The following GFM2 variants were observed in gnomAD, a reference collection of about 807,000 sequenced individuals.
GFM2 encodes ribosome-releasing factor 2, mitochondrial.
A neutral mutation model predicts 95.4 loss-of-function variants in GFM2; 72 were observed. The ratio of observed to expected loss-of-function variants is 0.76; its 90% CI spans 0.62 to 0.92. GFM2 has a LOEUF of 0.92. Among genes scored for constraint, GFM2 ranks in the 40% least tolerant of loss-of-function variants. GFM2 has a pLI of 0.00. For synonymous variants in GFM2, 276 were observed against 317.5 expected (o/e 0.87, Z 1.39); for missense variants, 825 against 924.1 (o/e 0.89, Z 1.39).
intron 12 of GFM2, among the ~76,000 whole-genome samples, chr5:74,738,921 T>C (rs1742977920): frequency 6.6e-6 from 1 of 152,144 alleles, no homozygotes; most frequent in Admixed American, 6.6e-5. Context: ...ATGAAGGCTA[T>C]ACCTGGGAAT....
intron 15 of GFM2, among the ~76,000 whole-genome samples, chr5:74,733,690 G>A (rs1346858944): frequency 1.3e-5 from 2 of 152,134 alleles, no homozygotes; most frequent in African/African-American, 4.8e-5. Flanking sequence ...GGTTTGCACT[G>A]CGAAGCCACT....
At chr5:74,754,697 C>T (rs1037705083) in intron 5 of GFM2, among the ~76,000 whole-genome samples, 5 of 152,110 alleles carry the variant, frequency 3.3e-5, no homozygotes, top group Admixed American at 3.3e-4. Context: ...AACATTGCAG[C>T]TCCCAAATTT....
At chr5:74,728,991 A>T (rs971980450) in intron 17 of GFM2, among the ~76,000 whole-genome samples, 3 of 151,910 alleles carry the variant, frequency 2.0e-5, no homozygotes, top group Admixed American at 6.6e-5. Flanking sequence ...AGACTTCGTG[A>T]TCTGCCCACC....
At chr5:74,746,423 G>A (rs561525522) in intron 8 of GFM2, among the ~76,000 whole-genome samples, 4 of 152,212 alleles carry the variant, frequency 2.6e-5, no homozygotes, top group Admixed American at 2.0e-4. Context: ...TGTGAGCTTC[G>A]CATAACTATA....
intron 10 of GFM2, among the ~76,000 whole-genome samples, chr5:74,742,830 C>G (rs1743179301): frequency 6.6e-6 from 1 of 152,052 alleles, no homozygotes; most frequent in Non-Finnish European, 1.5e-5. Flanking sequence ...CCACGCCCAG[C>G]TAATTTTTTT....
intron 2 of GFM2, among the ~76,000 whole-genome samples, chr5:74,761,682 G>A (rs1196956631): frequency 6.6e-6 from 1 of 152,106 alleles, no homozygotes; most frequent in African/African-American, 2.4e-5. Flanking sequence ...CTGAGTTAGA[G>A]CAGGTCTGCT....
chr5:74,764,940 C>G (rs532550329), intron 1 of GFM2: 2 of 200,002 alleles, frequency 1.0e-5, no homozygotes, highest in Non-Finnish European at 2.2e-5. Flanking sequence ...CATGTGCCAC[C>G]ACACTTGGCT....
intron 1 of GFM2, among the ~76,000 whole-genome samples, chr5:74,764,556 C>T (rs1191040873): frequency 6.6e-6 from 1 of 151,914 alleles, no homozygotes; most frequent in Non-Finnish European, 1.5e-5. Context: ...TTATGTGTGG[C>T]CAAAGACAAT....
At chr5:74,734,098 A>G (rs1469409382) in intron 15 of GFM2, among the ~76,000 whole-genome samples, 1 of 152,140 alleles carries the variant, frequency 6.6e-6, no homozygotes, top group Non-Finnish European at 1.5e-5. Flanking sequence ...AGGTATACAA[A>G]CCAGGCCTTT....
Position 74,738,366 on chromosome 5 carries a change from G to A in GFM2, c.1272C>T (p.Ile424=). 6.2e-7 allele frequency: 1 copy of A among 1,613,594 alleles called. No individual in the cohort carries two copies. Residue 424 remains isoleucine, a synonymous_variant, in exon 14 of 21, where the codon ATC becomes ATT. Transcript: ENST00000296805. ...LLPFADQHVE[I]PSLTAGNIAL... ...CAATGTTACCAGCAGTCAATGAAGG[G>A]ATTTCTACATGTTGGTCAGCAAACG... is the stretch of plus-strand genomic sequence containing the variant.
chr5:74,728,712 T>C (rs1431376090), intron 17 of GFM2, among the ~76,000 whole-genome samples: 8 of 151,608 alleles, frequency 5.3e-5, no homozygotes, highest in Non-Finnish European at 1.2e-4. Flanking sequence ...GATTTAATTT[T>C]ATTATGAGTT....
At chr5:74,758,516 T>C (rs1465402585) in intron 5 of GFM2, among the ~76,000 whole-genome samples, 1 of 152,184 alleles carries the variant, frequency 6.6e-6, no homozygotes, top group Non-Finnish European at 1.5e-5. Context: ...CCAAAGAAGA[T>C]AGCTCCCAGA....
At position 74,747,757 on chromosome 5, in the gene GFM2, C is replaced by A; in HGVS notation, c.543G>T (p.Arg181Ser). 11 of 1,609,896 alleles carry A rather than the reference C, an allele frequency of 6.8e-6. No individual in the cohort carries two copies. Among genetic ancestry groups the A allele is most frequent in the Non-Finnish European group, 9.3e-6 (11 of 1,176,830 alleles). Residue 181 changes from arginine to serine, a missense_variant, in exon 8 of 21, where the codon AGG (arginine) becomes AGT (serine). By Grantham distance (110) the Arg-to-Ser change is moderately radical. Coordinates refer to ENST00000296805, the MANE Select transcript of GFM2 (RefSeq NM_032380.5). ...GAGGTATATTGTGTTTATCAGCTTG[C>A]CTCCATACTGTGAGAGTCTGGGCCT... ...GVEAQTLTVW[R>S]QADKHNIPRI...
chr5:74,753,103 T>C (rs1227555496), intron 5 of GFM2, among the ~76,000 whole-genome samples: 1 of 152,160 alleles, frequency 6.6e-6, no homozygotes, highest in Non-Finnish European at 1.5e-5. Context: ...GGTCAATTAT[T>C]AAGCTACTCA....
intron 11 of GFM2, among the ~76,000 whole-genome samples, chr5:74,741,135 T>C (rs1397792962): frequency 6.6e-6 from 1 of 152,110 alleles, no homozygotes; most frequent in Non-Finnish European, 1.5e-5. Flanking sequence ...TTTAAAAAGA[T>C]TCAGAAAATA....
At position 74,767,104 on chromosome 5, in the gene GFM2, C is replaced by T. The variant is rs773217289; in HGVS notation, c.-191G>A. On this transcript the variant is annotated 5_prime_UTR_variant, in exon 1 of 21. Coordinates refer to ENST00000296805, the MANE Select transcript of GFM2 (RefSeq NM_032380.5). The stretch of plus-strand genomic sequence containing the variant: ...ATAGGCTTTCTCCGCTCTACCGCCT[C>T]GGGCAGCCACACCTCCACACTTCCG... The T allele has an allele frequency of 1.3e-4, 64 of 477,144 alleles. No individual in the cohort carries two copies. The highest frequency in any genetic ancestry group is 2.3e-4 in the Non-Finnish European group (60 of 263,156). The allele number at this position is 477,144 out of a possible 1,614,324, so 29.6% of individuals were successfully genotyped here.
chr5:74,733,604 T>C (rs1406430472), intron 15 of GFM2, among the ~76,000 whole-genome samples: 2 of 152,048 alleles, frequency 1.3e-5, no homozygotes, highest in South Asian at 2.1e-4. Flanking sequence ...AAAGGAAGAA[T>C]AGCATCAGAT....
chr5:74,738,311 C>T lies in GFM2; in HGVS notation c.1320+7G>A. On this transcript the variant is annotated splice_region_variant and intron_variant, in intron 14 of 20. Coordinates refer to ENST00000296805, the MANE Select transcript of GFM2 (RefSeq NM_032380.5). ...TTATTTCCTAGAGAAATCATTTGGT[C>T]ACTTACATGTTTAAGCCCAACAGTC... 6.3e-7 allele frequency: 1 copy of T among 1,594,420 alleles called. No homozygotes were observed. The highest frequency in any genetic ancestry group is 8.6e-7 in the Non-Finnish European group (1 of 1,168,856).
chr5:74,740,759 A>G (rs1716085449), intron 11 of GFM2, among the ~76,000 whole-genome samples: 1 of 152,152 alleles, frequency 6.6e-6, no homozygotes, highest in Admixed American at 6.5e-5. Flanking sequence ...TTCAAAATTC[A>G]CATTTCATTC....
Sources: allele counts gnomAD v4.1 joint callset (sites outside exome capture counted in the v4.1 genomes callset), GRCh38; gene constraint gnomAD v4.1.1; transcripts MANE v1.5; gene names NCBI Gene and HGNC (gene_info 2026-07-23, HGNC 2026-07-21).